The following TMTC2 variants were observed in gnomAD, a reference collection of about 807,000 sequenced individuals.
TMTC2 encodes protein O-mannosyl-transferase TMTC2.
TMTC2 carries 43 observed loss-of-function variants against 82.4 expected under a neutral mutation model. The observed-to-expected ratio is 0.52, with a 90% CI of 0.41 to 0.67. The LOEUF (loss-of-function observed/expected upper bound fraction) is 0.67, where lower values mean the gene tolerates loss of function less well. Among genes scored for constraint, TMTC2 ranks in the 30% least tolerant of loss-of-function variants. The probability of loss-of-function intolerance (pLI) is 0.00; values close to 1 mark genes in which losing one functional copy is unlikely to be tolerated. For synonymous variants in TMTC2, 408 were observed against 381.9 expected, an observed-to-expected ratio of 1.07 and a Z score of -0.80; for missense variants, 919 against 1,012.4, an observed-to-expected ratio of 0.91 and a Z score of 1.25.
intron 4 of TMTC2, among the ~76,000 whole-genome samples, chr12:82,952,425 T>C (rs2062357): frequency 0.92 from 139,720 of 152,156 alleles, 64,250 homozygotes; most frequent in East Asian, 1. Context: ...TGTATTTATT[T>C]GAATGTAATT....
intron 3 of TMTC2, among the ~76,000 whole-genome samples, chr12:82,909,840 G>A (rs911899134): frequency 6.6e-6 from 1 of 152,076 alleles, no homozygotes; most frequent in Non-Finnish European, 1.5e-5. Flanking sequence ...GGAATGATTA[G>A]CTATGTTAGA....
intron 1 of TMTC2, among the ~76,000 whole-genome samples, chr12:82,699,830 C>T (rs1872987693): frequency 6.6e-6 from 1 of 152,094 alleles, no homozygotes; most frequent in Non-Finnish European, 1.5e-5. Context: ...ATAGCCAGCC[C>T]TCCACATACC....
At chr12:82,910,877 CTTT>C (rs149998904) in intron 3 of TMTC2, among the ~76,000 whole-genome samples, 4 of 141,630 alleles carry the variant, frequency 2.8e-5, no homozygotes, top group Non-Finnish European at 1.6e-5. Context: ...TTGTTTTTTT[CTTT>C]TTTTTTTTTT....
At chr12:83,021,079 TTTA>T (rs1471025960) in intron 8 of TMTC2, among the ~76,000 whole-genome samples, 3 of 152,172 alleles carry the variant, frequency 2.0e-5, no homozygotes, top group Non-Finnish European at 2.9e-5. Flanking sequence ...TATAATTCTT[TTTA>T]TTATATTTTT....
chr12:82,899,743 TATATATATATAAGAATATATATGTGGA>T (rs1555195585), intron 3 of TMTC2, among the ~76,000 whole-genome samples: 1 of 130,190 alleles, frequency 7.7e-6, no homozygotes, highest in African/African-American at 3.4e-5. Context: ...ATATGTGGAA[TATATATATATAAGAATATATATGTGGA>T]ATATATATAT....
At chr12:82,907,245 T>A (rs571481090) in intron 3 of TMTC2, among the ~76,000 whole-genome samples, 1 of 151,840 alleles carries the variant, frequency 6.6e-6, no homozygotes, top group Non-Finnish European at 1.5e-5. Context: ...GGGTGAATCA[T>A]GAGGTCAGGA....
chr12:82,730,243 C>G (rs374693879), intron 1 of TMTC2, among the ~76,000 whole-genome samples: 2 of 121,948 alleles, frequency 1.6e-5, no homozygotes, highest in East Asian at 5.2e-4. Context: ...TGCAGTAAGC[C>G]AAGATTGCGC....
chr12:83,090,885 C>T (rs1362010940), intron 11 of TMTC2, among the ~76,000 whole-genome samples: 2 of 152,170 alleles, frequency 1.3e-5, no homozygotes, highest in East Asian at 1.9e-4. Flanking sequence ...CAGGCATAAA[C>T]GAGATAGCCC....
intron 1 of TMTC2, among the ~76,000 whole-genome samples, chr12:82,847,795 G>C (rs1478875031): frequency 2.6e-5 from 4 of 151,920 alleles, no homozygotes; most frequent in Non-Finnish European, 4.4e-5. Flanking sequence ...GGGCCTGTCA[G>C]GGGGTGTGGG....
intron 4 of TMTC2, among the ~76,000 whole-genome samples, chr12:82,943,653 A>G (rs184098207): frequency 6.6e-6 from 1 of 152,204 alleles, no homozygotes; most frequent in Non-Finnish European, 1.5e-5. Flanking sequence ...TTCAGACATC[A>G]CTAGTTTTCA....
intron 10 of TMTC2, among the ~76,000 whole-genome samples, chr12:83,057,442 T>A (rs561143488): frequency 6.6e-6 from 1 of 152,044 alleles, no homozygotes; most frequent in African/African-American, 2.4e-5. Flanking sequence ...TCATAAACAA[T>A]TTATTGTAGA....
chr12:82,762,094 G>A (rs910744175), intron 1 of TMTC2, among the ~76,000 whole-genome samples: 5 of 151,002 alleles, frequency 3.3e-5, no homozygotes, highest in Admixed American at 1.3e-4. Context: ...AGCCTCCTGA[G>A]TAACTGGAAT....
chr12:82,953,223 A>C (rs1478622033), intron 4 of TMTC2, among the ~76,000 whole-genome samples: 1 of 152,158 alleles, frequency 6.6e-6, no homozygotes, highest in Non-Finnish European at 1.5e-5. Context: ...GCTGCTCGTG[A>C]CATGACCAAA....
chr12:83,059,749 C>T (rs746959168), intron 10 of TMTC2, among the ~76,000 whole-genome samples: 1 of 151,680 alleles, frequency 6.6e-6, no homozygotes, highest in Non-Finnish European at 1.5e-5. Flanking sequence ...ATTTTCAAGG[C>T]ATTTTATCTG....
chr12:83,094,919 CG>C (rs1565886184), intron 11 of TMTC2, among the ~76,000 whole-genome samples: 2 of 151,836 alleles, frequency 1.3e-5, no homozygotes, highest in African/African-American at 4.8e-5. Flanking sequence ...GAGGAGGGTT[CG>C]GGGATGGAGA....
chr12:83,022,616 T>A (rs1880985260), intron 8 of TMTC2, among the ~76,000 whole-genome samples: 1 of 152,062 alleles, frequency 6.6e-6, no homozygotes, highest in African/African-American at 2.4e-5. Flanking sequence ...TTCTCAGTAC[T>A]TAGATGTACT....
chr12:82,708,474 G>A (rs918817583), intron 1 of TMTC2, among the ~76,000 whole-genome samples: 2 of 152,226 alleles, frequency 1.3e-5, no homozygotes, highest in African/African-American at 2.4e-5. Context: ...TATACTAGCA[G>A]TAAGTGACTA....
At chr12:82,855,919 A>C (rs1395752456) in intron 1 of TMTC2, among the ~76,000 whole-genome samples, 2 of 152,212 alleles carry the variant, frequency 1.3e-5, no homozygotes, top group Non-Finnish European at 2.9e-5. Flanking sequence ...ATCTTTTTAC[A>C]TGTCCCCAGT....
At chr12:82,813,446 C>T (rs993721366) in intron 1 of TMTC2, among the ~76,000 whole-genome samples, 10 of 151,952 alleles carry the variant, frequency 6.6e-5, no homozygotes, top group African/African-American at 2.4e-4. Context: ...TTAAATATTC[C>T]ATTTCCTTTG....
Sources: allele counts gnomAD v4.1 joint callset (sites outside exome capture counted in the v4.1 genomes callset), GRCh38; gene constraint gnomAD v4.1.1; transcripts MANE v1.5; gene names NCBI Gene and HGNC (gene_info 2026-07-23, HGNC 2026-07-21).